The following TADA2B variants were observed in gnomAD, a reference collection of about 807,000 sequenced individuals.
TADA2B encodes transcriptional adapter 2-beta.
A neutral mutation model predicts 34.5 loss-of-function variants in TADA2B; 13 were observed. The observed-to-expected ratio is 0.38, with a 90% confidence interval of 0.25 to 0.60. The LOEUF is 0.60. TADA2B is among the 20% of genes least tolerant of loss of function. The pLI is 0.65. For missense variants in TADA2B, 442 were observed against 575.0 expected (o/e 0.77, Z 2.37); for synonymous variants, 240 against 243.4 (o/e 0.99, Z 0.13).
chr4:7,049,580 A>G (rs1392761178), intron 1 of TADA2B, among the ~76,000 whole-genome samples: 1 of 152,220 alleles, frequency 6.6e-6, no homozygotes, highest in Non-Finnish European at 1.5e-5. Context: ...GGCAGTGGCC[A>G]GGGACAGTGG....
chr4:7,057,430 C>T lies in TADA2B; in HGVS notation c.*2376C>T, dbSNP rs1723917417. The T allele has an allele frequency of 6.6e-6, 1 of 152,242 alleles. No homozygotes were observed. Among genetic ancestry groups the T allele is most frequent in the Admixed American group, 6.5e-5 (1 of 15,286 alleles). The allele number at this position is 152,242 out of a possible 1,614,324, so 9.4% of individuals were successfully genotyped here. A position where few individuals can be genotyped will look rare whatever the true frequency, so the allele number is the denominator to read the frequency against. On this transcript the variant is annotated 3_prime_UTR_variant, in exon 2 of 2. Transcript: ENST00000310074. ...CCTTACCTCTGTCGGCAGCTCAGAG[C>T]CTCCACATTTTTATATTTAATTCTC...
In TADA2B at chr4:7,054,638, A is replaced by G. The variant is rs373694530; in HGVS notation, c.847A>G (p.Met283Val). 4.3e-6 allele frequency: 7 copies of G among 1,613,828 alleles called. No homozygotes were observed. The highest frequency in any genetic ancestry group is 1.1e-5 in the South Asian group (1 of 91,090). The change falls in exon 2 of 2, where the codon ATG becomes GTG. Residue 283 changes from methionine (M) to valine (V), a missense_variant. Around this residue, in one of 4 missense-constraint regions of TADA2B, gnomAD observed 222 missense variants for 235.2 expected, o/e 0.94. Coordinates refer to ENST00000310074, the MANE Select transcript of TADA2B (RefSeq NM_152293.3). ...TTTTGAAAACATGCACAAAGAAAAA[A>G]TGCTCCGGGCCAAGATCCGAGAACT... Reference protein sequence around the residue: ...DLFENMHKEKMLRAKIRELQR... With the variant: ...DLFENMHKEKVLRAKIRELQR...
At chr4:7,051,353 G>A (rs1159299726) in intron 1 of TADA2B, among the ~76,000 whole-genome samples, 1 of 152,162 alleles carries the variant, frequency 6.6e-6, no homozygotes, top group African/African-American at 2.4e-5. Flanking sequence ...GCCTGGGCAC[G>A]AGGAGCAAAG....
chr4:7,048,366 G>A (rs1451082104), intron 1 of TADA2B, among the ~76,000 whole-genome samples: 1 of 152,070 alleles, frequency 6.6e-6, no homozygotes, highest in Non-Finnish European at 1.5e-5. Context: ...CCCACAGTGG[G>A]ACACCCAGGA....
intron 1 of TADA2B, among the ~76,000 whole-genome samples, chr4:7,052,034 G>A (rs372276558): frequency 1.1e-4 from 17 of 152,374 alleles, no homozygotes; most frequent in Non-Finnish European, 1.5e-4. Context: ...TAAGCAAGCC[G>A]GCACCACAGA....
intron 1 of TADA2B, among the ~76,000 whole-genome samples, chr4:7,051,822 C>A (rs1013575878): frequency 5.3e-5 from 8 of 152,210 alleles, no homozygotes. Flanking sequence ...TGGTCTCGAT[C>A]TCCTGACCTC....
Position 7,055,454 on chromosome 4 carries a change from C to G in TADA2B, c.*400C>G. ...CAGCTATTTCCTGGTGACACAAGCTCTTCTCAGGCGGGGCTGCCTGCAGGC... is the reference window on the plus strand; with the variant it reads ...CAGCTATTTCCTGGTGACACAAGCTGTTCTCAGGCGGGGCTGCCTGCAGGC... On this transcript the variant is annotated 3_prime_UTR_variant, in exon 2 of 2. Transcript: ENST00000310074. 1 of 168,554 alleles carries G rather than the reference C, an allele frequency of 5.9e-6. No homozygotes were observed. The highest frequency in any genetic ancestry group is 1.5e-4 in the South Asian group (1 of 6,814). 10.4% of individuals were successfully genotyped at this position (168,554 alleles called of 1,614,324 possible).
chr4:7,047,744 T>C (rs970791887), intron 1 of TADA2B, among the ~76,000 whole-genome samples: 1 of 152,144 alleles, frequency 6.6e-6, no homozygotes, highest in Non-Finnish European at 1.5e-5. Context: ...AAGGGTTTTG[T>C]GTTTTAAGAG....
rs1007718302 is a variant in TADA2B at position 7,056,421 on chromosome 4, A to T, written c.*1367A>T. 1.3e-5 allele frequency: 2 copies of T among 152,534 alleles called. No homozygotes were observed. Among genetic ancestry groups the T allele is most frequent in the African/African-American group, 2.4e-5 (1 of 41,406 alleles). 9.4% of individuals were successfully genotyped at this position (152,534 alleles called of 1,614,324 possible). On this transcript the variant is annotated 3_prime_UTR_variant, in exon 2 of 2. Transcript: ENST00000310074. The stretch of plus-strand genomic sequence containing the variant: ...GACTCCAGCGCTCCGTTCTTCAAGG[A>T]GGTTGACTTGCCTCTCGGGCCCCGT...
intron 1 of TADA2B, 117 bp downstream of exon 1, chr4:7,043,966 C>T (rs1723552353): frequency 3.9e-6 from 5 of 1,275,702 alleles, no homozygotes; most frequent in Admixed American, 3.7e-5. Flanking sequence ...CCCCAGAAGG[C>T]CCCGGAGGTG....
Position 7,055,246 on chromosome 4 carries a change from G to C in TADA2B, c.*192G>C, listed in dbSNP as rs1207352483. The C allele has an allele frequency of 3.3e-6, 2 of 611,028 alleles. No individual in the cohort carries two copies. Among genetic ancestry groups the C allele is most frequent in the South Asian group, 4.5e-5 (2 of 44,008 alleles). 37.9% of individuals were successfully genotyped at this position (611,028 alleles called of 1,614,324 possible). ...AATCTTATATTGGATCATGGGGGAA[G>C]CAAATGTGTGTATTTTAAGTGAGTT... On this transcript the variant is annotated 3_prime_UTR_variant, in exon 2 of 2. Transcript: ENST00000310074.
chr4:7,049,491 A>G (rs978370161), intron 1 of TADA2B, among the ~76,000 whole-genome samples: 1 of 152,108 alleles, frequency 6.6e-6, no homozygotes, highest in African/African-American at 2.4e-5. Flanking sequence ...GCCAATGACA[A>G]CTCTAAGTCA....
intron 1 of TADA2B, among the ~76,000 whole-genome samples, chr4:7,051,394 C>T (rs1723764487): frequency 6.6e-6 from 1 of 152,174 alleles, no homozygotes; most frequent in Non-Finnish European, 1.5e-5. Context: ...CGCTGCCAGG[C>T]CTCCAATGTC....
At chr4:7,048,648 TCC>T (rs1183933335) in intron 1 of TADA2B, among the ~76,000 whole-genome samples, 1 of 152,178 alleles carries the variant, frequency 6.6e-6, no homozygotes, top group Non-Finnish European at 1.5e-5. Flanking sequence ...TTAAGTCCAC[TCC>T]CAGTGTTGTA....
intron 1 of TADA2B, among the ~76,000 whole-genome samples, chr4:7,048,647 C>T (rs1723694259): frequency 6.6e-6 from 1 of 152,152 alleles, no homozygotes; most frequent in African/African-American, 2.4e-5. Context: ...ATTAAGTCCA[C>T]TCCCAGTGTT....
rs1470295846 is a variant in TADA2B, at chr4:7,055,050, C to T, written c.1259C>T (p.Ser420Phe). The T allele has an allele frequency of 1.2e-6, 2 of 1,606,092 alleles. No homozygotes were observed. Among genetic ancestry groups the T allele is most frequent in the African/African-American group, 1.3e-5 (1 of 74,320 alleles). Residue 420 changes from serine to phenylalanine, a missense_variant, in exon 2 of 2, where the codon TCT becomes TTT. Transcript: ENST00000310074. ...AGCGGCTGGATCTCCAGGGACGCGT[C>T]TTGAAGCTGAGACGCTTTGAAAGCC... Reference protein sequence around the residue: ...TESGWISRDAS With the variant: ...TESGWISRDAF
chr4:7,048,267 C>T (rs1391435842), intron 1 of TADA2B, among the ~76,000 whole-genome samples: 1 of 152,136 alleles, frequency 6.6e-6, no homozygotes, highest in South Asian at 2.1e-4. Flanking sequence ...CCAGGGATGA[C>T]CATTAAGGAT....
intron 1 of TADA2B, among the ~76,000 whole-genome samples, chr4:7,044,324 G>C (rs1441194849): frequency 6.6e-6 from 1 of 152,244 alleles, no homozygotes; most frequent in Non-Finnish European, 1.5e-5. Flanking sequence ...CTGTATGCAT[G>C]TGCCCTGTGT....
intron 1 of TADA2B, among the ~76,000 whole-genome samples, chr4:7,046,573 G>A (rs1723635938): frequency 1.3e-5 from 2 of 152,244 alleles, no homozygotes; most frequent in African/African-American, 2.4e-5. Context: ...CTGGGTGAGA[G>A]CATTAAGCAA....
Sources: gnomAD v4.1 joint callset for allele counts (sites outside exome capture counted in the v4.1 genomes callset) on GRCh38, gnomAD v4.1.1 for gene constraint, gnomAD v4.1.1 regional missense constraint, MANE v1.5 for transcripts, NCBI Gene and HGNC (gene_info 2026-07-23, HGNC 2026-07-21) for gene names.